The following SLC35F4 variants were observed in gnomAD, a reference collection of about 807,000 sequenced individuals.
SLC35F4 encodes chromosome 14 open reading frame 36.
SLC35F4 carries 24 observed loss-of-function variants against 44.2 expected under a neutral mutation model. The ratio of observed to expected loss-of-function variants is 0.54; its 90% CI spans 0.39 to 0.76. SLC35F4 has a LOEUF of 0.76. Ranked by LOEUF, SLC35F4 falls within the 30% of genes least tolerant of loss-of-function variation. The probability of loss-of-function intolerance (pLI) is 0.00; values close to 1 mark genes in which losing one functional copy is unlikely to be tolerated. For synonymous variants in SLC35F4, 238 were observed against 223.6 expected (o/e 1.06, Z -0.57); for missense variants, 562 against 586.1 (o/e 0.96, Z 0.42).
intron 1 of SLC35F4, among the ~76,000 whole-genome samples, chr14:57,602,957 A>C (rs1290426030): frequency 6.6e-6 from 1 of 152,076 alleles, no homozygotes; most frequent in African/African-American, 2.4e-5. Context: ...ATTAAGTCTA[A>C]AGTTGTTTTC....
chr14:57,974,090 T>C (rs1444852349), downstream of SLC35F4, among the ~76,000 whole-genome samples: 1 of 152,198 alleles, frequency 6.6e-6, no homozygotes, highest in African/African-American at 2.4e-5. Context: ...GTGATTCTTC[T>C]GTTTCATGTG....
chr14:57,969,386 A>T (rs142333312), intron 1 of SLC35F4, among the ~76,000 whole-genome samples: 1 of 152,178 alleles, frequency 6.6e-6, no homozygotes, highest in East Asian at 1.9e-4. Context: ...TTCAATGACA[A>T]TCTCATTGTC....
At chr14:57,722,937 A>T (rs1363835632) in intron 1 of SLC35F4, among the ~76,000 whole-genome samples, 1 of 152,174 alleles carries the variant, frequency 6.6e-6, no homozygotes, top group Non-Finnish European at 1.5e-5. Flanking sequence ...GAAGGACCCC[A>T]CTATACTTCT....
At chr14:57,950,020 T>C (rs1890106380) in intron 1 of SLC35F4, among the ~76,000 whole-genome samples, 1 of 152,202 alleles carries the variant, frequency 6.6e-6, no homozygotes, top group African/African-American at 2.4e-5. Flanking sequence ...ATGATCTTCT[T>C]GCAATGAATT....
At chr14:57,847,405 A>G (rs1405742266) in intron 1 of SLC35F4, among the ~76,000 whole-genome samples, 1 of 152,220 alleles carries the variant, frequency 6.6e-6, no homozygotes, top group East Asian at 1.9e-4. Context: ...TTCAGGGGCT[A>G]GTAAACTGGA....
chr14:57,822,972 G>C (rs2140914867), intron 1 of SLC35F4, among the ~76,000 whole-genome samples: 2 of 152,242 alleles, frequency 1.3e-5, no homozygotes, highest in Admixed American at 1.3e-4. Context: ...TATATTCCAA[G>C]TTAGTATCTC....
chr14:57,609,290 G>A (rs1728393527), intron 1 of SLC35F4, among the ~76,000 whole-genome samples: 1 of 152,144 alleles, frequency 6.6e-6, no homozygotes, highest in Admixed American at 6.5e-5. Flanking sequence ...GCATGTTTTT[G>A]TAATTTAATA....
At chr14:57,692,252 G>A (rs2075257022) in intron 1 of SLC35F4, among the ~76,000 whole-genome samples, 1 of 152,120 alleles carries the variant, frequency 6.6e-6, no homozygotes, top group African/African-American at 2.4e-5. Context: ...CTCATTTGTG[G>A]TAAATCCATT....
intron 3 of SLC35F4, 108 bp from the exon 4 acceptor site, chr14:57,581,541 A>G: frequency 1.1e-6 from 1 of 948,762 alleles, no homozygotes; most frequent in Non-Finnish European, 1.6e-6. Context: ...CTCAATACCC[A>G]TCCTTCATTG....
chr14:57,608,787 C>T (rs10146869), intron 1 of SLC35F4, among the ~76,000 whole-genome samples: 707 of 62,832 alleles, frequency 0.011, 46 homozygotes, highest in Middle Eastern at 0.052. Flanking sequence ...AAAAGATGGC[C>T]GGGGGGGGGC....
chr14:57,631,245 C>T (rs1252680258), intron 1 of SLC35F4: 1 of 151,986 alleles, frequency 6.6e-6, no homozygotes, highest in Non-Finnish European at 1.5e-5. Flanking sequence ...AACTGGGTTA[C>T]ATAGTATTTT....
At chr14:57,761,031 G>A (rs1452485884) in intron 1 of SLC35F4, among the ~76,000 whole-genome samples, 4 of 151,904 alleles carry the variant, frequency 2.6e-5, no homozygotes, top group East Asian at 1.9e-4. Flanking sequence ...TTCACCTCAG[G>A]GAATCAGACT....
intron 1 of SLC35F4, among the ~76,000 whole-genome samples, chr14:57,743,501 T>C (rs1349992861): frequency 6.6e-6 from 1 of 152,142 alleles, no homozygotes; most frequent in East Asian, 1.9e-4. Context: ...CCTGGACACA[T>C]ACACCCTCCC....
rs2139643964 is a variant in SLC35F4 at position 57,563,930 on chromosome 14, A to G, written c.*205T>C. The G allele has an allele frequency of 1.7e-6, 1 of 586,132 alleles. No individual in the cohort carries two copies. Among genetic ancestry groups the G allele is most frequent in the African/African-American group, 1.9e-5 (1 of 53,234 alleles). The allele number at this position is 586,132 out of a possible 1,614,324, so 36.3% of individuals were successfully genotyped here. On this transcript the variant is annotated 3_prime_UTR_variant, in exon 8 of 8. Coordinates refer to ENST00000556826, the MANE Select transcript of SLC35F4 (RefSeq NM_001306087.2). Reference sequence around the variant, plus strand: ...AAATCAGAAAACAGAACAAGGACAAATGTGTTTTAATAAAAAAATCCATTA... The same window carrying G: ...AAATCAGAAAACAGAACAAGGACAAGTGTGTTTTAATAAAAAAATCCATTA...
At chr14:57,646,673 G>A (rs2073537252) in intron 1 of SLC35F4, among the ~76,000 whole-genome samples, 1 of 152,048 alleles carries the variant, frequency 6.6e-6, no homozygotes, top group Non-Finnish European at 1.5e-5. Context: ...GCTTTTGAAT[G>A]TGTTTGCTCT....
chr14:57,929,064 G>C (rs1889640153), intron 1 of SLC35F4, among the ~76,000 whole-genome samples: 1 of 152,180 alleles, frequency 6.6e-6, no homozygotes, highest in African/African-American at 2.4e-5. Flanking sequence ...AAAAAGTATT[G>C]AAATGTAAGT....
chr14:57,757,232 A>G (rs1225909566), intron 1 of SLC35F4, among the ~76,000 whole-genome samples: 1 of 152,146 alleles, frequency 6.6e-6, no homozygotes, highest in Non-Finnish European at 1.5e-5. Context: ...TCTATTGATT[A>G]GCATTTTCAT....
At chr14:57,677,330 G>A (rs2074726350) in intron 1 of SLC35F4, among the ~76,000 whole-genome samples, 1 of 151,634 alleles carries the variant, frequency 6.6e-6, no homozygotes, top group African/African-American at 2.4e-5. Context: ...GGTGATGGGT[G>A]CACCAAAACC....
intron 1 of SLC35F4, among the ~76,000 whole-genome samples, chr14:57,669,542 G>C (rs913705855): frequency 3.3e-5 from 5 of 152,028 alleles, no homozygotes; most frequent in Non-Finnish European, 7.3e-5. Context: ...TAGCATGAAG[G>C]GCAGTTGAAT....
Sources: allele counts gnomAD v4.1 joint callset (sites outside exome capture counted in the v4.1 genomes callset), GRCh38; gene constraint gnomAD v4.1.1; transcripts MANE v1.5; gene names NCBI Gene and HGNC (gene_info 2026-07-23, HGNC 2026-07-21).